Variants in PDS5B observed in about 807,000 individuals in gnomAD.
PDS5B encodes the protein PDS5 cohesin associated factor B.
A neutral mutation model predicts 184.1 loss-of-function variants in PDS5B; 51 were observed. The observed-to-expected ratio is 0.28, with a 90% CI of 0.22 to 0.35. PDS5B has a LOEUF of 0.35. PDS5B is among the 10% of genes least tolerant of loss of function. The pLI is 1.00. For missense variants in PDS5B, 1,180 were observed against 1,723.3 expected, an observed-to-expected ratio of 0.68 and a Z score of 5.58; for synonymous variants, 566 against 569.2, an observed-to-expected ratio of 0.99 and a Z score of 0.08.
At chr13:32,708,524 G>A (rs772354724) in intron 18 of PDS5B, among the ~76,000 whole-genome samples, 7 of 152,042 alleles carry the variant, frequency 4.6e-5, no homozygotes, top group Non-Finnish European at 8.8e-5. Flanking sequence ...AAAATTCTTG[G>A]AGCAATATAT....
At chr13:32,638,186 G>C (rs1355652500) in intron 1 of PDS5B, among the ~76,000 whole-genome samples, 1 of 152,164 alleles carries the variant, frequency 6.6e-6, no homozygotes, top group Non-Finnish European at 1.5e-5. Context: ...AAGAGCAGTA[G>C]GTAAGCTAAC....
chr13:32,611,669 T>C (rs1018761470), intron 1 of PDS5B, among the ~76,000 whole-genome samples: 1 of 151,578 alleles, frequency 6.6e-6, no homozygotes, highest in Non-Finnish European at 1.5e-5. Flanking sequence ...CACCACTCCC[T>C]GCTAAGTTTT....
chr13:32,647,476 G>T (rs1235431113), intron 1 of PDS5B, among the ~76,000 whole-genome samples: 1 of 152,058 alleles, frequency 6.6e-6, no homozygotes, highest in Non-Finnish European at 1.5e-5. Context: ...TTGGTATGTT[G>T]CCCAGGCTGT....
chr13:32,766,744 C>A (rs1300722092), intron 31 of PDS5B, among the ~76,000 whole-genome samples: 1 of 152,096 alleles, frequency 6.6e-6, no homozygotes, highest in Admixed American at 6.5e-5. Flanking sequence ...TCCCTCTGTT[C>A]TTAAAACAGT....
intron 23 of PDS5B, among the ~76,000 whole-genome samples, chr13:32,745,070 C>T (rs991178124): frequency 2.0e-5 from 3 of 152,110 alleles, no homozygotes; most frequent in African/African-American, 4.8e-5. Flanking sequence ...ATTTACTAGT[C>T]TGGAATTCTA....
chr13:32,625,051 A>AAT lies in PDS5B; in HGVS notation c.-19-23694_-19-23693dup, dbSNP rs1254809207. On this transcript the variant is annotated intron_variant, in intron 1 of 34. Transcript: ENST00000315596. Reference sequence around the variant, plus strand: ...TGGGCCTTTCAGGATATACAGTATTAATATATATATTACTGGAAAAAGATG... The same window carrying AAT: ...TGGGCCTTTCAGGATATACAGTATTAATATATATATATTACTGGAAAAAGATG... Among the ~76,000 whole-genome samples, 10 of 152,158 alleles carry AAT rather than the reference A, an allele frequency of 6.6e-5. No homozygotes were observed. The South Asian group carries it at 1.7e-3, about 25-fold the overall frequency.
At chr13:32,772,264 A>T (rs372142008) in intron 33 of PDS5B, among the ~76,000 whole-genome samples, 3 of 152,190 alleles carry the variant, frequency 2.0e-5, no homozygotes, top group African/African-American at 7.2e-5. Context: ...ATTTATCAAG[A>T]GGGATCCATT....
intron 1 of PDS5B, among the ~76,000 whole-genome samples, chr13:32,603,501 T>C (rs1379110762): frequency 6.6e-6 from 1 of 152,214 alleles, no homozygotes; most frequent in Non-Finnish European, 1.5e-5. Flanking sequence ...TACTGTAGCC[T>C]TGTAGTATAG....
At chr13:32,598,823 T>C (rs1190771947) in intron 1 of PDS5B, among the ~76,000 whole-genome samples, 1 of 144,934 alleles carries the variant, frequency 6.9e-6, no homozygotes, top group Non-Finnish European at 1.5e-5. Flanking sequence ...TAGGCAGGAG[T>C]GCAGTGGCAC....
chr13:32,663,410 A>G (rs989666549), intron 6 of PDS5B, among the ~76,000 whole-genome samples: 6 of 152,270 alleles, frequency 3.9e-5, no homozygotes, highest in African/African-American at 1.4e-4. Flanking sequence ...ATAATCACCA[A>G]ATTGGCTTTA....
intron 1 of PDS5B, among the ~76,000 whole-genome samples, chr13:32,628,572 G>A (rs182709769): frequency 0.014 from 2,059 of 148,554 alleles, 37 homozygotes; most frequent in South Asian, 0.081. Flanking sequence ...AAAAAATTAT[G>A]CTCTATACTT....
rs549589724 is a variant in PDS5B at position 32,748,062 on chromosome 13, T to G, written c.2736+1962T>G. On this transcript the variant is annotated intron_variant, in intron 24 of 34. Coordinates refer to ENST00000315596, the MANE Select transcript of PDS5B (RefSeq NM_015032.4). Reference sequence around the variant, plus strand: ...CTAAACTTTAAGATTGCTTTGGAATTATCTTGACTATGGAACATGTGTCAG... The same window carrying G: ...CTAAACTTTAAGATTGCTTTGGAATGATCTTGACTATGGAACATGTGTCAG... Among the ~76,000 whole-genome samples, 16 of 152,336 alleles carry G rather than the reference T, an allele frequency of 1.1e-4. No individual in the cohort carries two copies. The East Asian group carries it at 2.7e-3, about 26-fold the overall frequency.
At chr13:32,731,219 T>TA (rs1468719599) in intron 19 of PDS5B, among the ~76,000 whole-genome samples, 9 of 152,208 alleles carry the variant, frequency 5.9e-5, no homozygotes, top group Non-Finnish European at 1.2e-4. Context: ...ACTCTACTCT[T>TA]AGTGTGATAA....
intron 7 of PDS5B, among the ~76,000 whole-genome samples, chr13:32,671,966 A>G (rs571115510): frequency 1.5e-4 from 23 of 152,222 alleles, no homozygotes; most frequent in Non-Finnish European, 3.1e-4. Flanking sequence ...CTTGACAGTT[A>G]TGCCATGCAT....
chr13:32,620,674 A>C (rs2140534424), intron 1 of PDS5B, among the ~76,000 whole-genome samples: 1 of 152,050 alleles, frequency 6.6e-6, no homozygotes, highest in African/African-American at 2.4e-5. Context: ...AAAAAAAAAA[A>C]AGTGGTAGTG....
chr13:32,673,474 A>G (rs1234652734), intron 8 of PDS5B, 118 bp downstream of exon 8: 16 of 818,758 alleles, frequency 2.0e-5, no homozygotes, highest in Non-Finnish European at 1.9e-6. Context: ...GGGAAGTATT[A>G]CTATTATTTC....
intron 1 of PDS5B, among the ~76,000 whole-genome samples, chr13:32,593,409 C>T (rs907570424): frequency 3.9e-5 from 6 of 152,192 alleles, no homozygotes; most frequent in Admixed American, 6.5e-5. Context: ...GGCACGATCT[C>T]GGCTCACTGC....
At chr13:32,696,810 T>G in intron 14 of PDS5B, 44 bp from the exon 15 acceptor site, 1 of 1,418,486 alleles carries the variant, frequency 7.0e-7, no homozygotes, top group Admixed American at 1.8e-5. Context: ...TGAAGTTTTC[T>G]TGTTAGGGAA....
At chr13:32,770,923 A>G in intron 33 of PDS5B, 162 bp downstream of exon 33, 1 of 616,228 alleles carries the variant, frequency 1.6e-6, no homozygotes, top group Non-Finnish European at 2.9e-6. Context: ...TTGATATCTC[A>G]ATAAACTATC....
Sources: allele counts gnomAD v4.1 joint callset (sites outside exome capture counted in the v4.1 genomes callset), GRCh38; gene constraint gnomAD v4.1.1; transcripts MANE v1.5; gene names NCBI Gene and HGNC (gene_info 2026-07-23, HGNC 2026-07-21).